Variants in SP110 observed in about 807,000 individuals in gnomAD.
SP110 encodes interferon-induced protein 41, 30kD.
SP110 carries 62 observed loss-of-function variants against 92.7 expected under a neutral mutation model. That is an observed-to-expected ratio of 0.67 (90% CI 0.55 to 0.83). SP110 has a LOEUF of 0.83. Among genes scored for constraint, SP110 ranks in the 40% least tolerant of loss-of-function variants. SP110 has a pLI of 0.00. For synonymous variants in SP110, 273 were observed against 305.3 expected (o/e 0.89, Z 1.10); for missense variants, 793 against 863.9 (o/e 0.92, Z 1.03).
chr2:230,209,507 G>C (rs2044235363), intron 7 of SP110, among the ~76,000 whole-genome samples: 1 of 152,132 alleles, frequency 6.6e-6, no homozygotes, highest in Non-Finnish European at 1.5e-5. Flanking sequence ...GGGCTGGATG[G>C]GGCCAGTAGG....
rs722555 is a variant in SP110 at position 230,168,800 on chromosome 2, C to T, written c.*324G>A. ...GACATAGGGACAGGAGAGCCAAATG[C>T]AGTGTGTGGAACTTGTTTAGATCCT... On this transcript the variant is annotated 3_prime_UTR_variant, in exon 19 of 19. Transcript: ENST00000258381. 0.56 allele frequency: 140,256 copies of T among 252,654 alleles called. 39,484 individuals carry two copies. The highest frequency in any genetic ancestry group is 0.58 in the Non-Finnish European group (73,995 of 127,364). 15.7% of individuals were successfully genotyped at this position (252,654 alleles called of 1,614,324 possible). A position where few individuals can be genotyped will look rare whatever the true frequency, so the allele number is the denominator to read the frequency against.
chr2:230,170,386 A>T (rs1186964278), intron 18 of SP110, among the ~76,000 whole-genome samples: 1 of 151,596 alleles, frequency 6.6e-6, no homozygotes, highest in Non-Finnish European at 1.5e-5. Flanking sequence ...CTGGGAACAG[A>T]GCATGGTTTT....
intron 6 of SP110, among the ~76,000 whole-genome samples, chr2:230,210,577 T>G (rs73102204): frequency 0.023 from 3,457 of 152,332 alleles, 116 homozygotes; most frequent in African/African-American, 0.079. Flanking sequence ...TTTCTGTATA[T>G]AAGGATTGTT....
chr2:230,190,720 A>G (rs2042586463), intron 10 of SP110, among the ~76,000 whole-genome samples: 1 of 152,014 alleles, frequency 6.6e-6, no homozygotes, highest in Non-Finnish European at 1.5e-5. Context: ...ATCCATCTTC[A>G]GTTATTTTTT....
At chr2:230,222,731 C>T (rs140508598), upstream of SP110, among the ~76,000 whole-genome samples, 1 of 150,740 alleles carries the variant, frequency 6.6e-6, no homozygotes, top group Non-Finnish European at 1.5e-5. Flanking sequence ...ATTTCTGTTA[C>T]CCTAGAAAGT....
chr2:230,195,225 A>G (rs2042814120), intron 10 of SP110, among the ~76,000 whole-genome samples: 1 of 152,106 alleles, frequency 6.6e-6, no homozygotes, highest in Non-Finnish European at 1.5e-5. Context: ...AAGGCAAGAA[A>G]ACCATGTGAC....
In SP110 at chr2:230,212,422, C is replaced by T. The variant is rs1464035564; in HGVS notation, c.592G>A (p.Asp198Asn). The part of the protein sequence containing the change: ...QEGRSTSVTN[D>N]KLTSKMNAEE... ...GCATTCATTTTGGATGTTAACTTGT[C>T]ATTGGTCACTGAAGGAGGAAAGGAA... is the stretch of plus-strand genomic sequence containing the variant. Residue 198 changes from aspartate to asparagine, a missense_variant, in exon 5 of 19, where the codon GAC becomes AAC. Physicochemically the swap from Asp to Asn is conservative, Grantham distance 23. Coordinates refer to ENST00000258381, the MANE Select transcript of SP110 (RefSeq NM_080424.4). The T allele has an allele frequency of 3.1e-6, 5 of 1,609,524 alleles. No homozygotes were observed. The highest frequency in any genetic ancestry group is 1.7e-5 in the Admixed American group (1 of 59,994).
intron 6 of SP110, 101 bp from the exon 7 acceptor site, chr2:230,210,109 GC>G: frequency 1.3e-6 from 1 of 798,546 alleles, no homozygotes; most frequent in Admixed American, 1.7e-5. Context: ...AGTACATGCA[GC>G]CCAGGGCCGG....
intron 4 of SP110, 148 bp downstream of exon 4, chr2:230,212,613 A>G: frequency 8.4e-7 from 1 of 1,189,908 alleles, no homozygotes; most frequent in Non-Finnish European, 1.3e-6. Context: ...CAGTGCTCAT[A>G]ATCCCTCTTG....
intron 12 of SP110, among the ~76,000 whole-genome samples, chr2:230,179,637 ACT>A (rs35634793): frequency 0.43 from 65,192 of 151,124 alleles, 14,520 homozygotes; most frequent in African/African-American, 0.51. Flanking sequence ...GCTCCAGGTG[ACT>A]CTGGACCACT....
intron 10 of SP110, among the ~76,000 whole-genome samples, chr2:230,187,039 A>G (rs185375133): frequency 7.2e-5 from 11 of 152,256 alleles, no homozygotes; most frequent in Non-Finnish European, 1.5e-4. Flanking sequence ...TGCTGGATGG[A>G]ATGGTAGATC....
rs3731725 is a variant in SP110, at chr2:230,166,095, C to A, written c.*3029G>T. Reference sequence around the variant, plus strand: ...TTTTAGTAGAGACGGGGTTTCACCACGTTGGTCAGGCTGGTCTCGATCTCT... The same window carrying A: ...TTTTAGTAGAGACGGGGTTTCACCAAGTTGGTCAGGCTGGTCTCGATCTCT... On this transcript the variant is annotated 3_prime_UTR_variant, in exon 19 of 19. Transcript: ENST00000258381. 3.5e-4 allele frequency among the ~76,000 whole-genome samples: 53 copies of A among 151,820 alleles called. No homozygotes were observed. Among genetic ancestry groups the A allele is most frequent in the African/African-American group, 1.2e-3 (50 of 41,308 alleles).
At chr2:230,177,271 T>C (rs2041906997) in intron 14 of SP110, 1 of 481,120 alleles carries the variant, frequency 2.1e-6, no homozygotes, top group Non-Finnish European at 3.8e-6. Context: ...AGTTTCTTTT[T>C]AGGTTCTTAC....
rs746736624 is a variant in SP110 at position 230,200,923 on chromosome 2, G to T, written c.1091C>A (p.Ser364Tyr). Residue 364 changes from serine to tyrosine, a missense_variant, in exon 10 of 19, where the codon TCC (serine) becomes TAC (tyrosine). By Grantham distance (144) the Ser-to-Tyr change is moderately radical (BLOSUM62 -2). Transcript: ENST00000258381. Reference sequence around the variant, plus strand: ...TCGTGGTGTACTAGGCGTCTTCTGGGACCTCTTTCCTTCATTCATTTCTGA... The same window carrying T: ...TCGTGGTGTACTAGGCGTCTTCTGGTACCTCTTTCCTTCATTCATTTCTGA... ...GTSEMNEGKR[S>Y]QKTPSTPRRV... 5.0e-6 allele frequency: 8 copies of T among 1,613,816 alleles called. No homozygotes were observed. The highest frequency in any genetic ancestry group is 6.8e-6 in the Non-Finnish European group (8 of 1,179,798).
At chr2:230,208,193 C>T in intron 7 of SP110, 134 bp from the exon 8 acceptor site, 2 of 638,230 alleles carry the variant, frequency 3.1e-6, no homozygotes, top group South Asian at 1.8e-5. Flanking sequence ...GGTGATGGTA[C>T]TTCAGGGAGT....
At chr2:230,177,341 C>G (rs955807324) in intron 14 of SP110, 197 bp downstream of exon 14, 2 of 668,354 alleles carry the variant, frequency 3.0e-6, no homozygotes, top group Non-Finnish European at 5.3e-6. Context: ...CCTTTACTTG[C>G]ATTTAAAGTT....
Position 230,171,715 on chromosome 2 carries a change from A to G in SP110, c.1868T>C (p.Phe623Ser). 1.2e-6 allele frequency: 2 copies of G among 1,613,630 alleles called. No individual in the cohort carries two copies. The highest frequency in any genetic ancestry group is 1.7e-6 in the Non-Finnish European group (2 of 1,179,506). Reference protein sequence around the residue: ...KAYCHPQSSFFTGIPFNIRDY... With the variant: ...KAYCHPQSSFSTGIPFNIRDY... ...ACTTACATTAAATGGGATGCCCGTA[A>G]AAAAGGAGCTTTGTGGATGACAGTA... The change falls in exon 17 of 19, where the codon TTT becomes TCT. Residue 623 changes from phenylalanine (F) to serine (S), a missense_variant. Coordinates refer to ENST00000258381, the MANE Select transcript of SP110 (RefSeq NM_080424.4).
At chr2:230,221,617 C>T, upstream of SP110, 1 of 1,270,382 alleles carries the variant, frequency 7.9e-7, no homozygotes, top group Non-Finnish European at 1.1e-6. Context: ...GATGCCTCAG[C>T]ATGCAGTAAC....
chr2:230,200,982 C>A lies in SP110; in HGVS notation c.1049-17G>T, dbSNP rs1357788335. On this transcript the variant is annotated splice_polypyrimidine_tract_variant and intron_variant, in intron 9 of 18. Coordinates refer to ENST00000258381, the MANE Select transcript of SP110 (RefSeq NM_080424.4). ...CAATGATCTCTGGAAAATGAAAGAT[C>A]TTAGTAAATGCCCCTTGGGAAACAC... is the stretch of plus-strand genomic sequence containing the variant. 1 of 1,586,370 alleles carries A rather than the reference C, an allele frequency of 6.3e-7. No homozygotes were observed. Among genetic ancestry groups the A allele is most frequent in the East Asian group, 2.2e-5 (1 of 44,750 alleles).
Sources: gnomAD v4.1 joint callset for allele counts (sites outside exome capture counted in the v4.1 genomes callset) on GRCh38, gnomAD v4.1.1 for gene constraint, MANE v1.5 for transcripts, NCBI Gene and HGNC (gene_info 2026-07-23, HGNC 2026-07-21) for gene names.